The following SLC6A12 variants were observed in gnomAD, a reference collection of about 807,000 sequenced individuals.
SLC6A12 encodes the protein solute carrier family 6 member 12.
A neutral mutation model predicts 73.3 loss-of-function variants in SLC6A12; 50 were observed. The ratio of observed to expected loss-of-function variants is 0.68; its 90% CI spans 0.54 to 0.86. The LOEUF is 0.86. Among genes scored for constraint, SLC6A12 ranks in the 40% least tolerant of loss-of-function variants. The pLI, the probability that SLC6A12 is intolerant of heterozygous loss-of-function variation, is 0.00. For missense variants in SLC6A12, 648 were observed against 772.8 expected (o/e 0.84, Z 1.92); for synonymous variants, 304 against 309.2 (o/e 0.98, Z 0.18).
chr12:193,560 G>A (rs561661233), intron 13 of SLC6A12, among the ~76,000 whole-genome samples, 183 bp from the exon 14 acceptor site: 5 of 152,324 alleles, frequency 3.3e-5, no homozygotes, highest in East Asian at 1.9e-4. Context: ...AGATGCATTC[G>A]AGTCACGAGG....
rs370878793 is a variant in SLC6A12 at position 198,788 on chromosome 12, G to C, written c.846+9C>G. 4 of 1,613,920 alleles carry C rather than the reference G, an allele frequency of 2.5e-6. No individual in the cohort carries two copies. In the African/African-American group the frequency reaches 5.3e-5, roughly 22 times the overall value. On this transcript the variant is annotated intron_variant, in intron 8 of 15. Coordinates refer to ENST00000684302, the MANE Select transcript of SLC6A12 (RefSeq NM_001122848.3). This position sits in a 1 kb window ranked among gnomAD's most constrained non-coding sequence, Gnocchi z 4.0. The stretch of plus-strand genomic sequence containing the variant: ...GCACCTGGGGAAGTGGTCCCAGCAC[G>C]GTACATACCTGAGGGTCCTTGAGGC...
intron 7 of SLC6A12, among the ~76,000 whole-genome samples, chr12:200,308 C>T (rs1176294144): frequency 1.3e-5 from 2 of 151,444 alleles, no homozygotes; most frequent in East Asian, 1.9e-4. Context: ...CGGGGTTTTA[C>T]CGTGTTAGCC....
chr12:210,374 C>T (rs1940853907), intron 2 of SLC6A12: 1 of 1,120,122 alleles, frequency 8.9e-7, no homozygotes, highest in Non-Finnish European at 1.1e-6. Context: ...CCCATCTGCC[C>T]AGGTCCTTGA....
intron 12 of SLC6A12, among the ~76,000 whole-genome samples, chr12:195,572 CT>C (rs1939823398): frequency 6.6e-6 from 1 of 152,196 alleles, no homozygotes; most frequent in African/African-American, 2.4e-5. Flanking sequence ...TGCCCAGCAT[CT>C]CCCCTTCTGG....
intron 3 of SLC6A12, among the ~76,000 whole-genome samples, chr12:209,209 T>C (rs1940797176): frequency 6.6e-6 from 1 of 152,158 alleles, no homozygotes. Context: ...ATGCCTTCAC[T>C]TCCTTCAAGT....
rs59944636 is a variant in SLC6A12 at position 197,849 on chromosome 12, T to G, written c.950+51A>C. 2.3e-6 allele frequency: 3 copies of G among 1,294,492 alleles called. No individual in the cohort carries two copies. In the African/African-American group the frequency reaches 4.7e-5, roughly 20 times the overall value. The allele number at this position is 1,294,492 out of a possible 1,614,324, so 80.2% of individuals were successfully genotyped here. On this transcript the variant is annotated intron_variant, in intron 9 of 15. Coordinates refer to ENST00000684302, the MANE Select transcript of SLC6A12 (RefSeq NM_001122848.3). ...ACTATGGGTCTTTGCCCAGAACCCA[T>G]CCCCAGGCCCCAACCCTCCTTCACC... is the stretch of plus-strand genomic sequence containing the variant.
At chr12:186,685 G>A (rs1002394037), downstream of SLC6A12, among the ~76,000 whole-genome samples, 12 of 152,238 alleles carry the variant, frequency 7.9e-5, no homozygotes, top group African/African-American at 2.9e-4. Flanking sequence ...TGTCCCCCCA[G>A]ACAATTAAGC....
downstream of SLC6A12, among the ~76,000 whole-genome samples, chr12:185,086 G>A (rs1031553312): frequency 6.2e-4 from 95 of 152,212 alleles, 1 homozygote; most frequent in South Asian, 4.1e-4. Flanking sequence ...ACATAAAACT[G>A]TCATTATTTC....
At chr12:210,248 A>G (rs1940849419) in intron 2 of SLC6A12, 2 of 1,126,558 alleles carry the variant, frequency 1.8e-6, no homozygotes, top group Admixed American at 3.2e-5. Flanking sequence ...AGGCCTTGGC[A>G]GATGAAGTGA....
At chr12:189,342 G>C (rs1939504199), downstream of SLC6A12, among the ~76,000 whole-genome samples, 1 of 152,194 alleles carries the variant, frequency 6.6e-6, no homozygotes, top group Admixed American at 6.5e-5. Context: ...TCGTAACTGA[G>C]AGCATCTGGC....
At chr12:210,769 C>T (rs1449550829) in intron 2 of SLC6A12, among the ~76,000 whole-genome samples, 3 of 152,188 alleles carry the variant, frequency 2.0e-5, no homozygotes, top group East Asian at 1.9e-4. Flanking sequence ...CAGTCACCTC[C>T]GGATGACCCC....
chr12:199,296 C>T (rs1435781147), intron 7 of SLC6A12, among the ~76,000 whole-genome samples: 3 of 152,188 alleles, frequency 2.0e-5, no homozygotes, highest in African/African-American at 7.2e-5. Flanking sequence ...GTGGTATTTC[C>T]ATATGTGTAT....
At chr12:188,552 C>T (rs1377015099), downstream of SLC6A12, among the ~76,000 whole-genome samples, 1 of 152,234 alleles carries the variant, frequency 6.6e-6, no homozygotes, top group Non-Finnish European at 1.5e-5. Flanking sequence ...AAGGGCTCCT[C>T]AAGCGCAGCC....
At chr12:193,402 T>G in intron 13 of SLC6A12, 25 bp from the exon 14 acceptor site, 1 of 1,564,956 alleles carries the variant, frequency 6.4e-7, no homozygotes, top group Non-Finnish European at 8.8e-7. Context: ...CGTGGGAGAG[T>G]GTGAGAGCCA....
At chr12:202,613 G>A (rs1940331987) in intron 5 of SLC6A12, 127 bp downstream of exon 5, 4 of 905,066 alleles carry the variant, frequency 4.4e-6, no homozygotes, top group Non-Finnish European at 5.0e-6. Flanking sequence ...AGCTGCCCAG[G>A]AGCCCACGTG....
At position 202,946 on chromosome 12, in the gene SLC6A12, A is replaced by AAGCTGCC. The variant is rs577468035; in HGVS notation, c.350-73_350-67dup. On this transcript the variant is annotated intron_variant, in intron 4 of 15. Transcript: ENST00000684302. ...CAATGTTAGCAAAAAAGTCACATAG[A>AAGCTGCC]AGCTGCCAGTTGAGGTTACAAGGGT... The AAGCTGCC allele has an allele frequency of 5.4e-4, 798 of 1,483,200 alleles. 3 individuals carry two copies. The African/African-American group carries it at 9.5e-3, about 18-fold the overall frequency. The allele number at this position is 1,483,200 out of a possible 1,614,324, so 91.9% of individuals were successfully genotyped here.
downstream of SLC6A12, among the ~76,000 whole-genome samples, chr12:186,089 A>G (rs1939424001): frequency 6.7e-6 from 1 of 148,402 alleles, no homozygotes; most frequent in African/African-American, 2.6e-5. Flanking sequence ...TGGAGGGGTC[A>G]GAGGAGGTGA....
At chr12:204,459 G>A in intron 4 of SLC6A12, 105 bp downstream of exon 4, 6 of 1,131,396 alleles carry the variant, frequency 5.3e-6, no homozygotes, top group South Asian at 5.2e-5. Flanking sequence ...GGATATGGGA[G>A]TGAGCGGATG....
intron 2 of SLC6A12, 168 bp from the exon 3 acceptor site, chr12:210,211 T>C (rs1940847882): frequency 2.5e-6 from 3 of 1,178,258 alleles, no homozygotes; most frequent in African/African-American, 3.1e-5. Flanking sequence ...AAACCTTAGT[T>C]TTCTGAGTTT....
Sources: gnomAD v4.1 joint callset for allele counts (sites outside exome capture counted in the v4.1 genomes callset) on GRCh38, gnomAD v4.1.1 for gene constraint, Gnocchi (gnomAD v3.1) non-coding constraint, MANE v1.5 for transcripts, NCBI Gene and HGNC (gene_info 2026-07-23, HGNC 2026-07-21) for gene names.